The following ADAMTS9 variants were observed in gnomAD, a reference collection of about 807,000 sequenced individuals.
The protein encoded by ADAMTS9 is ADAM metallopeptidase with thrombospondin type 1 motif 9, also known as A disintegrin and metalloproteinase with thrombospondin motifs 9.
A neutral mutation model predicts 257.1 loss-of-function variants in ADAMTS9; 107 were observed. That is an observed-to-expected ratio of 0.42 (90% CI 0.36 to 0.49). ADAMTS9 has a LOEUF of 0.49. Among genes scored for constraint, ADAMTS9 ranks in the 20% least tolerant of loss-of-function variants. The pLI is 0.03. For missense variants in ADAMTS9, 2,353 were observed against 2,469.1 expected (o/e 0.95, Z 1.00); for synonymous variants, 982 against 880.9 (o/e 1.11, Z -2.03).
chr3:64,613,001 A>G (rs186409921), intron 22 of ADAMTS9, among the ~76,000 whole-genome samples: 1 of 152,276 alleles, frequency 6.6e-6, no homozygotes, highest in East Asian at 1.9e-4. Flanking sequence ...CTGGTGCTGG[A>G]TCACCTTCTG....
intron 38 of ADAMTS9, among the ~76,000 whole-genome samples, chr3:64,529,782 A>C (rs1159676377): frequency 6.6e-6 from 1 of 152,056 alleles, no homozygotes; most frequent in Non-Finnish European, 1.5e-5. Context: ...TACAGATGTC[A>C]ATTTCTGGCC....
At chr3:64,618,143 T>G (rs1700011797) in intron 19 of ADAMTS9, among the ~76,000 whole-genome samples, 1 of 152,234 alleles carries the variant, frequency 6.6e-6, no homozygotes, top group African/African-American at 2.4e-5. Flanking sequence ...GGAATGAGCA[T>G]GCACCTGTCT....
At chr3:64,626,354 G>T (rs1017744028) in intron 16 of ADAMTS9, among the ~76,000 whole-genome samples, 1 of 152,132 alleles carries the variant, frequency 6.6e-6, no homozygotes, top group African/African-American at 2.4e-5. Flanking sequence ...GTCAACAAAC[G>T]TTTGTTAAAT....
intron 12 of ADAMTS9, among the ~76,000 whole-genome samples, chr3:64,634,346 T>C (rs149774684): frequency 2.0e-5 from 3 of 152,216 alleles, no homozygotes; most frequent in African/African-American, 7.2e-5. Context: ...GAGACCATCA[T>C]AAACTTGTTC....
chr3:64,604,487 A>G (rs2084523933), intron 23 of ADAMTS9, among the ~76,000 whole-genome samples, 156 bp from the exon 24 acceptor site: 1 of 152,200 alleles, frequency 6.6e-6, no homozygotes, highest in Admixed American at 6.5e-5. Flanking sequence ...CTCAGTCCCA[A>G]TGTCTTCAAC....
At chr3:64,619,873 C>T (rs562163253) in intron 19 of ADAMTS9, among the ~76,000 whole-genome samples, 11 of 152,160 alleles carry the variant, frequency 7.2e-5, no homozygotes, top group South Asian at 2.1e-4. Flanking sequence ...TTCAGTTTAG[C>T]GGTTAGTTAA....
intron 38 of ADAMTS9, among the ~76,000 whole-genome samples, chr3:64,524,091 G>C (rs2082882319): frequency 6.6e-6 from 1 of 152,160 alleles, no homozygotes; most frequent in Admixed American, 6.5e-5. Context: ...TTCCCATGCT[G>C]TCAAAAGTTA....
intron 28 of ADAMTS9, among the ~76,000 whole-genome samples, chr3:64,581,311 G>C (rs569230432): frequency 5.1e-4 from 77 of 152,194 alleles, no homozygotes; most frequent in African/African-American, 1.8e-3. Context: ...GAGCTTTTTG[G>C]TGGTGGTGGT....
intron 28 of ADAMTS9, among the ~76,000 whole-genome samples, chr3:64,578,788 T>G (rs1343154631): frequency 2.0e-5 from 3 of 152,176 alleles, no homozygotes; most frequent in Non-Finnish European, 2.9e-5. Context: ...GACCCCTTTC[T>G]GACTCTTGCA....
chr3:64,579,780 A>G (rs1350220132), intron 28 of ADAMTS9, among the ~76,000 whole-genome samples: 1 of 152,188 alleles, frequency 6.6e-6, no homozygotes, highest in Admixed American at 6.5e-5. Context: ...GAACCAAATA[A>G]ATAACAATTG....
intron 22 of ADAMTS9, among the ~76,000 whole-genome samples, chr3:64,608,495 A>G (rs1287058750): frequency 6.6e-6 from 1 of 152,108 alleles, no homozygotes; most frequent in Non-Finnish European, 1.5e-5. Context: ...ACCTTACAGC[A>G]ATAAAAGTGA....
At chr3:64,548,265 C>T (rs971577915) in intron 31 of ADAMTS9, among the ~76,000 whole-genome samples, 7 of 152,290 alleles carry the variant, frequency 4.6e-5, no homozygotes, top group South Asian at 2.1e-4. Flanking sequence ...GCTAGAGGCA[C>T]GCAGAGCATC....
rs367734661 is a variant in ADAMTS9 at position 64,604,532 on chromosome 3, G to A, written c.3475-201C>T. Among the ~76,000 whole-genome samples, 105 of 152,244 alleles carry A rather than the reference G, an allele frequency of 6.9e-4. No individual in the cohort carries two copies. In the East Asian group the frequency reaches 0.015, roughly 22 times the overall value. On this transcript the variant is annotated intron_variant, in intron 23 of 39. Transcript: ENST00000498707. ...AGATATAATCTTAGTCCTTTTGTGG[G>A]TGCCTTAATAAAGGGCAGGGGTCAG...
At chr3:64,542,001 C>G in intron 32 of ADAMTS9, 31 bp from the exon 33 acceptor site, 1 of 1,613,180 alleles carries the variant, frequency 6.2e-7, no homozygotes, top group Non-Finnish European at 8.5e-7. Flanking sequence ...AGCGGTGTGG[C>G]TATGGAATGT....
chr3:64,543,170 C>T (rs2083149917), intron 32 of ADAMTS9, among the ~76,000 whole-genome samples: 2 of 150,306 alleles, frequency 1.3e-5, no homozygotes, highest in Admixed American at 6.7e-5. Flanking sequence ...GATTCACAGC[C>T]GAATTCTACC....
chr3:64,674,621 A>G (rs1307298641), intron 3 of ADAMTS9, among the ~76,000 whole-genome samples: 1 of 152,208 alleles, frequency 6.6e-6, no homozygotes, highest in Admixed American at 6.5e-5. Context: ...CTAAGAATGC[A>G]GAAAGTGTGT....
At chr3:64,595,038 C>T (rs1252969203) in intron 27 of ADAMTS9, among the ~76,000 whole-genome samples, 2 of 152,018 alleles carry the variant, frequency 1.3e-5, no homozygotes, top group Admixed American at 6.6e-5. Flanking sequence ...CCTCCCACCT[C>T]GGCCTCCCAA....
intron 31 of ADAMTS9, among the ~76,000 whole-genome samples, chr3:64,548,533 G>A (rs893917834): frequency 5.9e-5 from 9 of 151,830 alleles, no homozygotes; most frequent in African/African-American, 2.2e-4. Flanking sequence ...TTTGAGAGGG[G>A]CAAGGAATGA....
rs765238155 is a variant in ADAMTS9 at position 64,681,356 on chromosome 3, G to A, written c.524C>T (p.Thr175Ile). Residue 175 changes from threonine (T) to isoleucine (I), a missense_variant, in exon 3 of 40, where the codon ACA becomes ATA. Physicochemically the swap from Thr to Ile is moderately conservative, Grantham distance 89. Around this residue, in one of 3 missense-constraint regions of ADAMTS9, gnomAD observed 591 missense variants for 569.6 expected, o/e 1.04. Coordinates refer to ENST00000498707, the MANE Select transcript of ADAMTS9 (RefSeq NM_182920.2). ...VISLCSGMLG[T>I]FRSHDGDYFI... Reference sequence around the variant, plus strand: ...ATAATCCCCATCATGAGACCGGAATGTGCCCAGCTGCAAATGAAGAGAGAT... The same window carrying A: ...ATAATCCCCATCATGAGACCGGAATATGCCCAGCTGCAAATGAAGAGAGAT... 3.2e-5 allele frequency: 51 copies of A among 1,609,374 alleles called. 1 individual carries two copies. In the South Asian group the frequency reaches 5.0e-4, roughly 16 times the overall value.
Sources: gnomAD v4.1 joint callset for allele counts (sites outside exome capture counted in the v4.1 genomes callset) on GRCh38, gnomAD v4.1.1 for gene constraint, gnomAD v4.1.1 regional missense constraint, MANE v1.5 for transcripts, NCBI Gene and HGNC (gene_info 2026-07-23, HGNC 2026-07-21) for gene names.